GNL3L: variants seen among roughly 807,000 people sequenced by gnomAD.
The protein encoded by GNL3L is guanine nucleotide-binding protein-like 3-like protein.
A neutral mutation model predicts 42.9 loss-of-function variants in GNL3L; 4 were observed. That is an observed-to-expected ratio of 0.09 (90% CI 0.05 to 0.21). GNL3L has a LOEUF of 0.21. Ranked by LOEUF, GNL3L falls within the 10% of genes least tolerant of loss-of-function variation. The pLI, the probability that GNL3L is intolerant of heterozygous loss-of-function variation, is 1.00. For synonymous variants in GNL3L, 159 were observed against 176.3 expected (o/e 0.90, Z 0.78); for missense variants, 412 against 481.7 (o/e 0.86, Z 1.36).
At position 54,608,476 on chromosome X, in the gene GNL3L, A is replaced by G. The variant is rs148794399; in HGVS notation, c.*46-12369A>G. On this transcript the variant is annotated intron_variant, in intron 16 of 16. Transcript: ENST00000674498. ...TCACCCAAGTAGTATACTCTGCAAC[A>G]TATTTGTAGTCTTTTATCCCTTGCC... Among the ~76,000 whole-genome samples, 506 of 110,760 alleles carry G rather than the reference A, an allele frequency of 4.6e-3. 2 individuals are homozygous for G. Among genetic ancestry groups the G allele is most frequent in the African/African-American group, 0.015 (464 of 30,472 alleles).
At position 54,562,103 on chromosome X, in the gene GNL3L, T is replaced by C. The variant is rs1925286837; in HGVS notation, c.*1501T>C. On this transcript the variant is annotated 3_prime_UTR_variant, in exon 16 of 16. Transcript: ENST00000360845. ...CTCTGTTGCCCAGGCTGGAGTGCAA[T>C]GGCGTGATCTCGGCTCACTGCAACC... 1.8e-5 allele frequency among the ~76,000 whole-genome samples: 2 copies of C among 112,184 alleles called. No homozygotes were observed. The highest frequency in any genetic ancestry group is 6.5e-5 in the African/African-American group (2 of 30,867).
intron 14 of GNL3L, among the ~76,000 whole-genome samples, chrX:54,555,819 A>G (rs984774949): frequency 3.8e-5 from 4 of 106,021 alleles, no homozygotes; most frequent in South Asian, 4.2e-4. Context: ...TGACCATGTC[A>G]CCTCCCCTGC....
chrX:54,552,052 C>T (rs886107531), intron 12 of GNL3L, 78 bp downstream of exon 12: 58 of 1,092,376 alleles, frequency 5.3e-5, no homozygotes, highest in Middle Eastern at 6.0e-4. Context: ...TGCTCATTGC[C>T]GCTGGGGCAG....
At chrX:54,597,915 T>C (rs970175733) in intron 16 of GNL3L, among the ~76,000 whole-genome samples, 2 of 111,132 alleles carry the variant, frequency 1.8e-5, no homozygotes, top group Admixed American at 9.6e-5. Context: ...CTGCCACTGC[T>C]GGGGGGATGG....
chrX:54,591,752 C>T (rs1185611636), intron 16 of GNL3L, among the ~76,000 whole-genome samples: 1 of 110,922 alleles, frequency 9.0e-6, no homozygotes, highest in African/African-American at 3.3e-5. Context: ...TAATGGGATT[C>T]CTTCAATTTT....
Position 54,587,427 on chromosome X carries a change from G to A in GNL3L, c.*45+26780G>A, listed in dbSNP as rs1432408006. Among the ~76,000 whole-genome samples the A allele has an allele frequency of 3.6e-5, 4 of 110,945 alleles. No homozygotes were observed. The East Asian group carries it at 1.1e-3, about 31-fold the overall frequency. On this transcript the variant is annotated intron_variant, in intron 16 of 16. Coordinates refer to the GNL3L transcript ENST00000674498. ...AATAATATTTGCTTTATATATGTGG[G>A]AGCTCCAGTGTTGTGTTTTGGGTTT...
intron 16 of GNL3L, among the ~76,000 whole-genome samples, chrX:54,581,873 T>G (rs10481875): frequency 0.13 from 14,485 of 111,447 alleles, 1,393 homozygotes; most frequent in African/African-American, 0.33. Context: ...GGATGAACAT[T>G]TTTTTTGGTG....
rs1924436961 is a variant in GNL3L, at chrX:54,536,750, A to G, written c.20-2290A>G. Among the ~76,000 whole-genome samples the G allele has an allele frequency of 2.1e-5, 2 of 93,688 alleles. 1 individual carries two copies. Among genetic ancestry groups the G allele is most frequent in the South Asian group, 1.1e-3 (2 of 1,815 alleles). 81.4% of individuals were successfully genotyped at this position (93,688 alleles called of 115,157 possible). ...TAGTGAGCTCAGGTGGCACCACTGCACTCCAGCCTGGGCAACAGAGCGAGA... is the reference window on the plus strand; with the variant it reads ...TAGTGAGCTCAGGTGGCACCACTGCGCTCCAGCCTGGGCAACAGAGCGAGA... On this transcript the variant is annotated intron_variant, in intron 2 of 15. Coordinates refer to ENST00000360845, the MANE Select transcript of GNL3L (RefSeq NM_001184819.2).
At chrX:54,578,303 GATTT>G (rs1925662919) in intron 16 of GNL3L, among the ~76,000 whole-genome samples, 1 of 111,250 alleles carries the variant, frequency 9.0e-6, no homozygotes, top group African/African-American at 3.3e-5. Flanking sequence ...GTTTTTGTCT[GATTT>G]ATTTCTCCTC....
intron 16 of GNL3L, among the ~76,000 whole-genome samples, chrX:54,620,502 G>A (rs1418028502): frequency 1.8e-5 from 2 of 112,062 alleles, no homozygotes; most frequent in Admixed American, 9.5e-5. Context: ...ACTCCGTTGT[G>A]TATATGTACC....
At chrX:54,553,441 T>G (rs912429410) in intron 13 of GNL3L, among the ~76,000 whole-genome samples, 1 of 112,723 alleles carries the variant, frequency 8.9e-6, no homozygotes, top group African/African-American at 3.2e-5. Context: ...GGTCTTTTAG[T>G]GTCCTTGTGT....
intron 16 of GNL3L, among the ~76,000 whole-genome samples, chrX:54,598,696 C>T (rs1925967349): frequency 9.0e-6 from 1 of 111,121 alleles, no homozygotes; most frequent in East Asian, 2.8e-4. Context: ...ATAAATTCTT[C>T]AAAGGGATGA....
chrX:54,533,240 T>A (rs1051139109), intron 2 of GNL3L, among the ~76,000 whole-genome samples: 20 of 109,503 alleles, frequency 1.8e-4, no homozygotes, highest in African/African-American at 6.7e-4. Context: ...ATTAAGAGCG[T>A]GCCTGTAATG....
At chrX:54,597,916 G>C (rs772718774) in intron 16 of GNL3L, among the ~76,000 whole-genome samples, 180 of 111,245 alleles carry the variant, frequency 1.6e-3, no homozygotes, top group Non-Finnish European at 2.4e-3. Context: ...TGCCACTGCT[G>C]GGGGGATGGT....
chrX:54,602,234 C>T (rs1937119), intron 16 of GNL3L, among the ~76,000 whole-genome samples: 27,619 of 111,106 alleles, frequency 0.25, 3,367 homozygotes, highest in African/African-American at 0.47. Flanking sequence ...CCTGCATCCT[C>T]ACCAGCACTC....
chrX:54,554,951 A>C (rs987806802), intron 14 of GNL3L, among the ~76,000 whole-genome samples: 1 of 111,455 alleles, frequency 9.0e-6, no homozygotes, highest in South Asian at 3.7e-4. Context: ...CAGTTGTCCA[A>C]CTTGCAAACG....
the GNL3L span, among the ~76,000 whole-genome samples, chrX:54,640,355 T>C: frequency 8.9e-6 from 1 of 111,859 alleles, no homozygotes; most frequent in Non-Finnish European, 1.9e-5. Flanking sequence ...AGGAGAAATT[T>C]TAAATGTCCA....
chrX:54,579,331 A>G (rs1925674757), intron 16 of GNL3L, among the ~76,000 whole-genome samples: 1 of 111,913 alleles, frequency 8.9e-6, no homozygotes, highest in African/African-American at 3.2e-5. Flanking sequence ...CTAAAGTTCT[A>G]TAATGTTATA....
intron 3 of GNL3L, among the ~76,000 whole-genome samples, chrX:54,539,774 G>A (rs767855927): frequency 2.9e-4 from 32 of 111,680 alleles, no homozygotes; most frequent in Middle Eastern, 4.6e-3. Context: ...CACTTATCTA[G>A]AAAGGTTTTC....
Sources: allele counts gnomAD v4.1 joint callset (sites outside exome capture counted in the v4.1 genomes callset), GRCh38; gene constraint gnomAD v4.1.1; transcripts MANE v1.5; gene names NCBI Gene and HGNC (gene_info 2026-07-23, HGNC 2026-07-21).